POLR1B: variants seen among roughly 807,000 people sequenced by gnomAD.
POLR1B encodes the protein RNA polymerase I subunit B, also known as DNA-directed RNA polymerase I subunit RPA2.
Under a neutral mutation model 105.8 loss-of-function variants are expected in POLR1B, and 30 were observed. The observed-to-expected ratio is 0.28, with a 90% CI of 0.21 to 0.38. The LOEUF is 0.38. Among genes scored for constraint, POLR1B ranks in the 10% least tolerant of loss-of-function variants. The probability of loss-of-function intolerance (pLI) is 1.00; values close to 1 mark genes in which losing one functional copy is unlikely to be tolerated. For synonymous variants in POLR1B, 485 were observed against 505.1 expected, an observed-to-expected ratio of 0.96 and a Z score of 0.53; for missense variants, 976 against 1,435.8, an observed-to-expected ratio of 0.68 and a Z score of 5.17.
At chr2:112,574,795 C>G in intron 14 of POLR1B, 52 bp from the exon 15 acceptor site, 1 of 1,296,642 alleles carries the variant, frequency 7.7e-7, no homozygotes, top group South Asian at 1.4e-5. Flanking sequence ...TGAAACTTAT[C>G]TCCATAAGTT....
upstream of POLR1B, chr2:112,542,437 C>G (rs771010822): frequency 1.5e-6 from 2 of 1,328,578 alleles, no homozygotes; most frequent in East Asian, 4.8e-5. Flanking sequence ...CGGCGTGTAC[C>G]GAGAGACTGG....
At chr2:112,542,398 T>A, upstream of POLR1B, 2 of 1,611,042 alleles carry the variant, frequency 1.2e-6, no homozygotes, top group Non-Finnish European at 1.7e-6. Context: ...CCCAGCAGGC[T>A]GCGGAAACGG....
Position 112,573,710 on chromosome 2 carries a change from T to C in POLR1B, c.2420T>C (p.Leu807Ser). 1 of 1,614,258 alleles carries C rather than the reference T, an allele frequency of 6.2e-7. No individual in the cohort carries two copies. The highest frequency in any genetic ancestry group is 8.5e-7 in the Non-Finnish European group (1 of 1,180,036). Residue 807 changes from leucine (L) to serine (S), a missense_variant, in exon 14 of 15, where the codon TTA (leucine) becomes TCA (serine). By Grantham distance (145) the Leu-to-Ser change is moderately radical. Transcript: ENST00000263331. Reference protein sequence around the residue: ...KPGDPRVLQKLDDDGLPFIGA... With the variant: ...KPGDPRVLQKSDDDGLPFIGA... ...GGTGACCCACGCGTTCTGCAGAAGT[T>C]AGATGACGATGGATTGCCGTTTATA...
intron 12 of POLR1B, among the ~76,000 whole-genome samples, chr2:112,571,595 A>C (rs1684591838): frequency 6.6e-6 from 1 of 152,152 alleles, no homozygotes; most frequent in South Asian, 2.1e-4. Flanking sequence ...TGTCCCATGC[A>C]TGCATAGTTC....
At position 112,573,637 on chromosome 2, in the gene POLR1B, G is replaced by GA; in HGVS notation, c.2353dup (p.Ile785AsnfsTer2). The GA allele has an allele frequency of 6.2e-7, 1 of 1,614,188 alleles. No homozygotes were observed. Among genetic ancestry groups the GA allele is most frequent in the Non-Finnish European group, 8.5e-7 (1 of 1,180,036 alleles). ...CAAGTCTGAGTTCATAGACCTCTCT[G>GA]AAAAAATTAAACAAGGAGATAGTAG... On this transcript the variant is annotated frameshift_variant, in exon 14 of 15. Coordinates refer to ENST00000263331, the MANE Select transcript of POLR1B (RefSeq NM_019014.6). LOFTEE classifies it high-confidence loss of function.
In POLR1B at chr2:112,578,098, G is replaced by A. The variant is rs1429773055; in HGVS notation, c.*2369G>A. Among the ~76,000 whole-genome samples the A allele has an allele frequency of 6.6e-6, 1 of 152,116 alleles. No homozygotes were observed. Among genetic ancestry groups the A allele is most frequent in the Non-Finnish European group, 1.5e-5 (1 of 67,998 alleles). On this transcript the variant is annotated 3_prime_UTR_variant, in exon 15 of 15. Transcript: ENST00000263331. ...CACTAAAAACATTCCCAAAAAAAAT[G>A]TTTTTTAGCTTTTTAACTGTAGATT...
chr2:112,576,700 A>G lies in POLR1B; in HGVS notation c.*971A>G, dbSNP rs929153992. 2.0e-5 allele frequency: 3 copies of G among 152,134 alleles called. No homozygotes were observed. Among genetic ancestry groups the G allele is most frequent in the Non-Finnish European group, 4.4e-5 (3 of 68,046 alleles). 9.4% of individuals were successfully genotyped at this position (152,134 alleles called of 1,614,324 possible). A position where few individuals can be genotyped will look rare whatever the true frequency, so the allele number is the denominator to read the frequency against. On this transcript the variant is annotated 3_prime_UTR_variant, in exon 15 of 15. Coordinates refer to ENST00000263331, the MANE Select transcript of POLR1B (RefSeq NM_019014.6). ...GTGCTGTGCATCTATAGTCCCTGCT[A>G]TTTGAGAGGCTGAGGTGGGAGGATC...
intron 12 of POLR1B, among the ~76,000 whole-genome samples, chr2:112,571,441 A>G (rs1328283884): frequency 1.3e-5 from 2 of 152,104 alleles, no homozygotes. Flanking sequence ...TTCCTTCTTA[A>G]TACACAGTCC....
At chr2:112,546,255 C>T (rs916048757) in intron 1 of POLR1B, among the ~76,000 whole-genome samples, 1 of 152,198 alleles carries the variant, frequency 6.6e-6, no homozygotes, top group Admixed American at 6.5e-5. Flanking sequence ...ATGGCTCTGG[C>T]TTCAGTTTGA....
At position 112,575,150 on chromosome 2, in the gene POLR1B, C is replaced by G. The variant is rs774757042; in HGVS notation, c.2829C>G (p.Leu943=). 6.2e-7 allele frequency: 1 copy of G among 1,614,128 alleles called. No individual in the cohort carries two copies. The highest frequency in any genetic ancestry group is 1.1e-5 in the South Asian group (1 of 91,076). Residue 943 remains leucine, a synonymous_variant, in exon 15 of 15, where the codon CTC becomes CTG. Coordinates refer to ENST00000263331, the MANE Select transcript of POLR1B (RefSeq NM_019014.6). The surrounding 1 kb of genome is among the most constrained non-coding windows in gnomAD (Gnocchi z 5.3). ...GGAAGTCTGCAGCTTTGCATGGTCT[C>G]TGCCATGATGCTACACCCTTCATCT... ...MAGKSAALHG[L]CHDATPFIFS... is the part of the protein sequence containing the mutation.
chr2:112,550,690 T>C, intron 4 of POLR1B, 176 bp from the exon 5 acceptor site: 2 of 619,786 alleles, frequency 3.2e-6, no homozygotes, highest in South Asian at 4.2e-5. Flanking sequence ...TGGGTAGATT[T>C]TGCATGCAAG....
At position 112,578,442 on chromosome 2, in the gene POLR1B, C is replaced by A. The variant is rs1405951070; in HGVS notation, c.*2713C>A. The stretch of plus-strand genomic sequence containing the variant: ...CACGAAGTATAACCTTTGAGAATGG[C>A]CTTTTCACTCCATTCCCTTGAGATA... On this transcript the variant is annotated 3_prime_UTR_variant, in exon 15 of 15. Coordinates refer to ENST00000263331, the MANE Select transcript of POLR1B (RefSeq NM_019014.6). Among the ~76,000 whole-genome samples the A allele has an allele frequency of 6.6e-6, 1 of 152,160 alleles. No homozygotes were observed. Among genetic ancestry groups the A allele is most frequent in the African/African-American group, 2.4e-5 (1 of 41,442 alleles).
Position 112,575,866 on chromosome 2 carries a change from C to A in POLR1B, c.*137C>A. The A allele has an allele frequency of 1.2e-6, 1 of 829,462 alleles. No individual in the cohort carries two copies. Among genetic ancestry groups the A allele is most frequent in the Non-Finnish European group, 1.9e-6 (1 of 539,966 alleles). The allele number at this position is 829,462 out of a possible 1,614,324, so 51.4% of individuals were successfully genotyped here. ...GAACTCTCAACCAAGACCTGAAAAC[C>A]AAGTATGCAAGGTTTCTGAATCTCT... On this transcript the variant is annotated 3_prime_UTR_variant, in exon 15 of 15. Transcript: ENST00000263331. The surrounding 1 kb of genome is among the most constrained non-coding windows in gnomAD (Gnocchi z 5.3).
chr2:112,542,451 C>G, upstream of POLR1B: 1 of 1,606,206 alleles, frequency 6.2e-7, no homozygotes, highest in Non-Finnish European at 8.5e-7. Context: ...AGACTGGCGT[C>G]CGGCGTGTAC....
intron 7 of POLR1B, 66 bp downstream of exon 7, chr2:112,552,882 G>A (rs1683448953): frequency 7.5e-7 from 1 of 1,341,142 alleles, no homozygotes; most frequent in Admixed American, 2.9e-5. Context: ...ACTTTGTCCA[G>A]CAGCACTGTT....
rs1685013035 is a variant in POLR1B at position 112,579,697 on chromosome 2, T to G, written c.*3968T>G. 6.6e-6 allele frequency: 1 copy of G among 152,242 alleles called. No individual in the cohort carries two copies. Among genetic ancestry groups the G allele is most frequent in the African/African-American group, 2.4e-5 (1 of 41,466 alleles). 9.4% of individuals were successfully genotyped at this position (152,242 alleles called of 1,614,324 possible). A position where few individuals can be genotyped will look rare whatever the true frequency, so the allele number is the denominator to read the frequency against. On this transcript the variant is annotated 3_prime_UTR_variant, in exon 15 of 15. Coordinates refer to ENST00000263331, the MANE Select transcript of POLR1B (RefSeq NM_019014.6). ...TTGAACATCTCTTCATGTGTTTATT[T>G]GCCATCTGTGTATCTTCAGTGAAAT...
chr2:112,552,495 C>T lies in POLR1B; in HGVS notation c.987-150C>T, dbSNP rs954392110. ...GCCACCAGTCACATGATAAGCACTT[C>T]AAATGTGGCCAGTGTAGCTCAAAAA... On this transcript the variant is annotated intron_variant, in intron 6 of 14. Coordinates refer to ENST00000263331, the MANE Select transcript of POLR1B (RefSeq NM_019014.6). 6 of 782,460 alleles carry T rather than the reference C, an allele frequency of 7.7e-6. No homozygotes were observed. The Middle Eastern group carries it at 1.2e-3, about 155-fold the overall frequency. The allele number at this position is 782,460 out of a possible 1,614,324, so 48.5% of individuals were successfully genotyped here. A position where few individuals can be genotyped will look rare whatever the true frequency, so the allele number is the denominator to read the frequency against.
Position 112,547,120 on chromosome 2 carries a change from G to A in POLR1B, c.286G>A (p.Ala96Thr), listed in dbSNP as rs1382758497. ...TCCAAAAGGGACCATCTGCAAAGAGGCCAATGTTTATCCAGCAGAATGCCG... is the reference window on the plus strand; with the variant it reads ...TCCAAAAGGGACCATCTGCAAAGAGACCAATGTTTATCCAGCAGAATGCCG... ...TVPKGTICKEANVYPAECRGR... is the reference protein window; with the variant it reads ...TVPKGTICKETNVYPAECRGR... The change falls in exon 2 of 15, where the codon GCC (alanine) becomes ACC (threonine). Residue 96 changes from alanine to threonine, a missense_variant. Coordinates refer to ENST00000263331, the MANE Select transcript of POLR1B (RefSeq NM_019014.6). The A allele has an allele frequency of 6.2e-7, 1 of 1,614,030 alleles. No homozygotes were observed. The highest frequency in any genetic ancestry group is 8.5e-7 in the Non-Finnish European group (1 of 1,180,034).
rs751975668 is a variant in POLR1B at position 112,574,901 on chromosome 2, G to A, written c.2580G>A (p.Gly860=). 19 of 1,613,980 alleles carry A rather than the reference G, an allele frequency of 1.2e-5. No individual in the cohort carries two copies. Among genetic ancestry groups the A allele is most frequent in the Admixed American group, 6.7e-5 (4 of 59,994 alleles). The change falls in exon 15 of 15, where the codon GGG becomes GGA. Residue 860 remains glycine, a synonymous_variant. Transcript: ENST00000263331. The part of the protein sequence containing the change: ...DNIKVCSNDT[G]SGKFKCVCIT... ...TCAAAGTGTGCAGTAATGACACTGG[G>A]AGTGGAAAATTCAAGTGTGTTTGCA...
Sources: gnomAD v4.1 joint callset for allele counts (sites outside exome capture counted in the v4.1 genomes callset) on GRCh38, gnomAD v4.1.1 for gene constraint, Gnocchi (gnomAD v3.1) non-coding constraint, MANE v1.5 for transcripts, NCBI Gene and HGNC (gene_info 2026-07-23, HGNC 2026-07-21) for gene names.